Variants in CTNND2 observed in about 807,000 individuals in gnomAD.
The protein encoded by CTNND2 is catenin delta-2.
A neutral mutation model predicts 144.4 loss-of-function variants in CTNND2; 22 were observed. That is an observed-to-expected ratio of 0.15 (90% CI 0.11 to 0.22). The LOEUF (loss-of-function observed/expected upper bound fraction) is 0.22. CTNND2 is among the 10% of genes least tolerant of loss of function. The pLI is 1.00. For synonymous variants in CTNND2, 751 were observed against 695.6 expected (o/e 1.08, Z -1.25); for missense variants, 1,353 against 1,618.8 (o/e 0.84, Z 2.82).
At chr5:11,357,949 C>T (rs911611205) in intron 8 of CTNND2, among the ~76,000 whole-genome samples, 8 of 152,058 alleles carry the variant, frequency 5.3e-5, no homozygotes, top group African/African-American at 1.9e-4. Context: ...ATTATGGTTC[C>T]ATAGTGCTGT....
intron 3 of CTNND2, among the ~76,000 whole-genome samples, chr5:11,536,889 CAA>C (rs1257395013): frequency 2.0e-5 from 3 of 151,838 alleles, no homozygotes; most frequent in Non-Finnish European, 4.4e-5. Flanking sequence ...AAAAATAATT[CAA>C]AAAAGTTTTA....
chr5:11,603,663 T>A (rs1324725165), intron 2 of CTNND2, among the ~76,000 whole-genome samples: 2 of 152,234 alleles, frequency 1.3e-5, no homozygotes, highest in Non-Finnish European at 2.9e-5. Flanking sequence ...GGCAAGGCTA[T>A]ATGACAGAGC....
intron 1 of CTNND2, among the ~76,000 whole-genome samples, chr5:11,860,658 A>T (rs1795458079): frequency 6.6e-6 from 1 of 152,266 alleles, no homozygotes; most frequent in Admixed American, 6.5e-5. Context: ...TACAACAGAT[A>T]TGTAAAGAAA....
At chr5:11,282,140 T>C (rs753935168) in intron 9 of CTNND2, among the ~76,000 whole-genome samples, 1 of 152,018 alleles carries the variant, frequency 6.6e-6, no homozygotes, top group Non-Finnish European at 1.5e-5. Flanking sequence ...TGGTTGGTTG[T>C]CAACGGGGCA....
intron 3 of CTNND2, among the ~76,000 whole-genome samples, chr5:11,429,897 A>T (rs750178706): frequency 4.6e-5 from 7 of 152,264 alleles, no homozygotes; most frequent in Non-Finnish European, 1.0e-4. Flanking sequence ...CTAGAAAAAC[A>T]AATGTAATTT....
chr5:11,791,121 G>A (rs73049018), intron 1 of CTNND2, among the ~76,000 whole-genome samples: 14,564 of 152,184 alleles, frequency 0.096, 1,895 homozygotes, highest in African/African-American at 0.29. Flanking sequence ...GGGTTACCAG[G>A]AGCTGGAAGA....
rs113596475 is a variant in CTNND2 at position 11,329,328 on chromosome 5, T to C, written c.1628+17044A>G. On this transcript the variant is annotated intron_variant, in intron 9 of 21. Coordinates refer to ENST00000304623, the MANE Select transcript of CTNND2 (RefSeq NM_001332.4). Reference sequence around the variant, plus strand: ...CGCCACCACACGCGGCTAATATTTATATTTTTAGTAGAGATGGCGTTTCAT... The same window carrying C: ...CGCCACCACACGCGGCTAATATTTACATTTTTAGTAGAGATGGCGTTTCAT... Among the ~76,000 whole-genome samples, 676 of 152,250 alleles carry C rather than the reference T, an allele frequency of 4.4e-3. 2 individuals carry two copies. Among genetic ancestry groups the C allele is most frequent in the South Asian group, 0.028 (136 of 4,826 alleles).
chr5:11,175,393 C>T (rs1760380909), intron 11 of CTNND2, among the ~76,000 whole-genome samples: 1 of 152,130 alleles, frequency 6.6e-6, no homozygotes, highest in African/African-American at 2.4e-5. Context: ...ATTTGGGAGA[C>T]AAGCTCTTGT....
intron 1 of CTNND2, among the ~76,000 whole-genome samples, chr5:11,802,551 G>C (rs1185557820): frequency 1.3e-5 from 2 of 149,354 alleles, no homozygotes; most frequent in Non-Finnish European, 2.9e-5. Flanking sequence ...TGGGCAACAA[G>C]AGCGAAACTC....
intron 1 of CTNND2, among the ~76,000 whole-genome samples, chr5:11,775,345 T>C (rs192991290): frequency 1.1e-4 from 16 of 152,312 alleles, no homozygotes; most frequent in African/African-American, 3.1e-4. Context: ...CAACTTTCCC[T>C]GAATATCCGT....
intron 9 of CTNND2, among the ~76,000 whole-genome samples, chr5:11,287,010 T>C (rs953666777): frequency 3.9e-5 from 6 of 152,146 alleles, no homozygotes; most frequent in African/African-American, 1.4e-4. Flanking sequence ...GAATGAAATC[T>C]ACATATACAC....
At chr5:11,289,342 C>A (rs1203661355) in intron 9 of CTNND2, among the ~76,000 whole-genome samples, 1 of 152,174 alleles carries the variant, frequency 6.6e-6, no homozygotes, top group African/African-American at 2.4e-5. Context: ...TTCCATATCC[C>A]AGTGGAGGAA....
chr5:11,191,409 C>A lies in CTNND2; in HGVS notation c.1975+8039G>T. ...AACACCTGACTCCCATAGAGGAAAT[C>A]CAAAATCAAAGGTTTCCATTATGTA... On this transcript the variant is annotated intron_variant, in intron 11 of 21. Coordinates refer to ENST00000304623, the MANE Select transcript of CTNND2 (RefSeq NM_001332.4). Among the ~76,000 whole-genome samples the A allele has an allele frequency of 1.3e-5, 2 of 152,288 alleles. 1 individual carries two copies. Among genetic ancestry groups the A allele is most frequent in the Admixed American group, 1.3e-4 (2 of 15,294 alleles).
rs114166458 is a variant in CTNND2, at chr5:11,646,842, T to C, written c.175-81786A>G. ...TTCCTCAAGTTGCCTGACCTCCTTC[T>C]GCAACCAGGTGGAAAGGTGCACCCT... is the stretch of plus-strand genomic sequence containing the variant. On this transcript the variant is annotated intron_variant, in intron 2 of 21. Coordinates refer to ENST00000304623, the MANE Select transcript of CTNND2 (RefSeq NM_001332.4). Among the ~76,000 whole-genome samples the C allele has an allele frequency of 8.3e-3, 1,270 of 152,248 alleles. 15 individuals carry two copies. Among genetic ancestry groups the C allele is most frequent in the African/African-American group, 0.029 (1,224 of 41,540 alleles).
chr5:11,481,919 G>C (rs1402323882), intron 3 of CTNND2, among the ~76,000 whole-genome samples: 5 of 152,142 alleles, frequency 3.3e-5, no homozygotes, highest in Non-Finnish European at 5.9e-5. Context: ...CCCCATTTGA[G>C]AAGTTTTTAA....
chr5:11,600,331 T>G, intron 2 of CTNND2, among the ~76,000 whole-genome samples: 1 of 152,298 alleles, frequency 6.6e-6, no homozygotes, highest in Non-Finnish European at 1.5e-5. Context: ...GTATTATATG[T>G]ATCAACTATT....
chr5:11,034,618 C>A (rs188909101), intron 16 of CTNND2, among the ~76,000 whole-genome samples: 17 of 152,314 alleles, frequency 1.1e-4, no homozygotes, highest in Non-Finnish European at 4.4e-5. Context: ...GAGTCACAGG[C>A]AGCTTTCTGG....
intron 9 of CTNND2, among the ~76,000 whole-genome samples, chr5:11,240,458 C>T (rs544521233): frequency 2.5e-5 from 3 of 121,154 alleles, no homozygotes; most frequent in East Asian, 5.8e-4. Context: ...CACACACCCC[C>T]CAACACACAC....
intron 2 of CTNND2, among the ~76,000 whole-genome samples, chr5:11,623,272 C>T (rs901553967): frequency 6.6e-6 from 1 of 152,098 alleles, no homozygotes; most frequent in Admixed American, 6.6e-5. Context: ...TGAATTGTAG[C>T]TCCCATAATT....
Sources: allele counts gnomAD v4.1 joint callset (sites outside exome capture counted in the v4.1 genomes callset), GRCh38; gene constraint gnomAD v4.1.1; transcripts MANE v1.5; gene names NCBI Gene and HGNC (gene_info 2026-07-23, HGNC 2026-07-21).